Variants in PAK5 observed in about 807,000 individuals in gnomAD.
PAK5 encodes p21 (RAC1) activated kinase 5.
A neutral mutation model predicts 65.9 loss-of-function variants in PAK5; 16 were observed. The ratio of observed to expected loss-of-function variants is 0.24; its 90% confidence interval spans 0.16 to 0.37. The LOEUF is 0.37. PAK5 is among the 10% of genes least tolerant of loss of function. The pLI, the probability that PAK5 is intolerant of heterozygous loss-of-function variation, is 1.00. For missense variants in PAK5, 785 were observed against 903.9 expected, an observed-to-expected ratio of 0.87 and a Z score of 1.69; for synonymous variants, 371 against 354.9, an observed-to-expected ratio of 1.05 and a Z score of -0.51.
Position 9,539,295 on chromosome 20 carries a change from G to C in PAK5, c.*167C>G, listed in dbSNP as rs115775886. The stretch of plus-strand genomic sequence containing the variant: ...TGTCAGTGGAGAGATGCCTGTTTAA[G>C]ACACAAGAAGATGCCCTGGTCTGTT... On this transcript the variant is annotated 3_prime_UTR_variant, in exon 10 of 10. Transcript: ENST00000353224. 670 of 639,906 alleles carry C rather than the reference G, an allele frequency of 1.0e-3. 6 individuals are homozygous for C. The African/African-American group carries it at 0.011, about 10-fold the overall frequency. 39.6% of individuals were successfully genotyped at this position (639,906 alleles called of 1,614,324 possible). A position where few individuals can be genotyped will look rare whatever the true frequency, so the allele number is the denominator to read the frequency against.
intron 1 of PAK5, among the ~76,000 whole-genome samples, chr20:9,752,618 C>T (rs1290301296): frequency 1.3e-5 from 2 of 151,830 alleles, no homozygotes; most frequent in Non-Finnish European, 2.9e-5. Flanking sequence ...TCACACATAG[C>T]CCATAAATAT....
At chr20:9,740,390 C>T (rs114384088) in intron 1 of PAK5, among the ~76,000 whole-genome samples, 1,659 of 152,236 alleles carry the variant, frequency 0.011, 30 homozygotes, top group African/African-American at 0.038. Context: ...TGTCTTTTTG[C>T]TATCCCTAAC....
chr20:9,639,149 C>A (rs2047018948), intron 3 of PAK5, among the ~76,000 whole-genome samples: 1 of 152,108 alleles, frequency 6.6e-6, no homozygotes, highest in African/African-American at 2.4e-5. Context: ...TATCATATGT[C>A]ATTCTTAGGT....
intron 4 of PAK5, among the ~76,000 whole-genome samples, chr20:9,570,161 A>C (rs1472301642): frequency 6.6e-6 from 1 of 152,208 alleles, no homozygotes; most frequent in African/African-American, 2.4e-5. Flanking sequence ...AATACATATC[A>C]AAGTATTCAA....
chr20:9,794,027 G>A (rs930738941), intron 1 of PAK5, among the ~76,000 whole-genome samples: 2 of 152,066 alleles, frequency 1.3e-5, no homozygotes, highest in Non-Finnish European at 2.9e-5. Flanking sequence ...GTCCTTTGCA[G>A]GGACATGGAT....
At chr20:9,591,686 CAACT>C (rs1158041463) in intron 3 of PAK5, among the ~76,000 whole-genome samples, 3 of 142,856 alleles carry the variant, frequency 2.1e-5, no homozygotes, top group Non-Finnish European at 4.6e-5. Flanking sequence ...CCAAATCAAC[CAACT>C]GATTAAATTA....
At chr20:9,574,995 G>A (rs1251254273) in intron 4 of PAK5, among the ~76,000 whole-genome samples, 1 of 152,120 alleles carries the variant, frequency 6.6e-6, no homozygotes, top group Admixed American at 6.5e-5. Context: ...TTGGAGCCAT[G>A]GTTGAATCTG....
At chr20:9,694,318 GTT>G (rs2047839139) in intron 2 of PAK5, among the ~76,000 whole-genome samples, 2 of 32,224 alleles carry the variant, frequency 6.2e-5, no homozygotes, top group Non-Finnish European at 9.5e-5. Context: ...GTGTGTGTGT[GTT>G]TGTGTGTGTG....
rs1306904918 is a variant in PAK5, at chr20:9,538,863, A to G, written c.*599T>C. 4.3e-6 allele frequency: 1 copy of G among 233,164 alleles called. No individual in the cohort carries two copies. The highest frequency in any genetic ancestry group is 5.6e-5 in the Admixed American group (1 of 17,772). 14.4% of individuals were successfully genotyped at this position (233,164 alleles called of 1,614,324 possible). On this transcript the variant is annotated 3_prime_UTR_variant, in exon 10 of 10. Coordinates refer to ENST00000353224, the MANE Select transcript of PAK5 (RefSeq NM_177990.4). ...GGTGATTGAGAGTCATTCAGTATTC[A>G]AAGTTCCTAAAGAATCATTGGTTCT...
chr20:9,548,363 A>G (rs1603196056), intron 7 of PAK5, among the ~76,000 whole-genome samples: 1 of 143,176 alleles, frequency 7.0e-6, no homozygotes, highest in South Asian at 2.2e-4. Context: ...CACGTTGATC[A>G]CTCTCTTTTT....
chr20:9,696,224 G>T (rs765943783), intron 2 of PAK5, among the ~76,000 whole-genome samples: 15 of 152,132 alleles, frequency 9.9e-5, no homozygotes, highest in Admixed American at 5.2e-4. Context: ...ATTGAAAGAA[G>T]AACACAGTGG....
intron 7 of PAK5, among the ~76,000 whole-genome samples, chr20:9,550,767 TC>T (rs2045415508): frequency 6.6e-6 from 1 of 151,762 alleles, no homozygotes; most frequent in Non-Finnish European, 1.5e-5. Flanking sequence ...TGTGTTTATT[TC>T]CAAAACTAGG....
chr20:9,574,503 G>C (rs2045850927), intron 4 of PAK5, among the ~76,000 whole-genome samples: 1 of 152,160 alleles, frequency 6.6e-6, no homozygotes, highest in African/African-American at 2.4e-5. Context: ...TCGTCTTTGG[G>C]GACTGGTTTG....
chr20:9,628,243 G>C (rs1047798839), intron 3 of PAK5, among the ~76,000 whole-genome samples: 17 of 152,142 alleles, frequency 1.1e-4, no homozygotes, highest in African/African-American at 4.1e-4. Flanking sequence ...TAACAGATGA[G>C]GAAACAGAAG....
intron 3 of PAK5, among the ~76,000 whole-genome samples, chr20:9,596,480 C>CA (rs1455563650): frequency 3.9e-4 from 59 of 151,766 alleles, no homozygotes; most frequent in Non-Finnish European, 8.8e-5. Context: ...ACTAAAAATA[C>CA]AAAAAATTAG....
intron 1 of PAK5, among the ~76,000 whole-genome samples, chr20:9,772,671 C>A (rs1167388372): frequency 1.3e-5 from 2 of 152,180 alleles, no homozygotes; most frequent in African/African-American, 4.8e-5. Flanking sequence ...TGCATTACTC[C>A]CTGTGTTTGG....
chr20:9,580,689 T>A lies in PAK5; in HGVS notation c.446A>T (p.Lys149Met), dbSNP rs758203822. The A allele has an allele frequency of 6.2e-7, 1 of 1,614,126 alleles. No individual in the cohort carries two copies. Among genetic ancestry groups the A allele is most frequent in the South Asian group, 1.1e-5 (1 of 91,068 alleles). Residue 149 changes from lysine (K) to methionine (M), a missense_variant, in exon 4 of 10, where the codon AAG becomes ATG. Transcript: ENST00000353224. ...ATCCAGATCATCTCCATAGAGACTC[T>A]TCTCCCTGTACTTTTCGGTCGTGTA... ...ADYTTEKYRE[K>M]SLYGDDLDPY... is the part of the protein sequence containing the mutation.
chr20:9,623,072 A>T (rs1030241230), intron 3 of PAK5, among the ~76,000 whole-genome samples: 1 of 152,234 alleles, frequency 6.6e-6, no homozygotes. Flanking sequence ...AACATCTAGG[A>T]GTTAGGGAAA....
In PAK5 at chr20:9,802,436, G is replaced by A. The variant is rs140507519; in HGVS notation, c.-162+36326C>T. 9.4e-3 allele frequency among the ~76,000 whole-genome samples: 1,435 copies of A among 152,140 alleles called. 15 individuals are homozygous for A. The highest frequency in any genetic ancestry group is 0.016 in the Non-Finnish European group (1,078 of 68,002). On this transcript the variant is annotated intron_variant, in intron 1 of 9. Transcript: ENST00000353224. The stretch of plus-strand genomic sequence containing the variant: ...ATATGGGAGAAGGGAAGTAGTGTGC[G>A]CACACATCTGCTTTCCTATGCATTG...
Sources: gnomAD v4.1 joint callset for allele counts (sites outside exome capture counted in the v4.1 genomes callset) on GRCh38, gnomAD v4.1.1 for gene constraint, MANE v1.5 for transcripts, NCBI Gene and HGNC (gene_info 2026-07-23, HGNC 2026-07-21) for gene names.